FAM107B: variants seen among roughly 807,000 people sequenced by gnomAD.
FAM107B encodes family with sequence similarity 107 member B.
In FAM107B, 21 loss-of-function variants were observed where a neutral mutation model predicts 31.5. That is an observed-to-expected ratio of 0.67 (90% CI 0.47 to 0.96). FAM107B has a LOEUF of 0.96. FAM107B is among the 40% of genes least tolerant of loss of function. The probability of loss-of-function intolerance (pLI) is 0.00; values close to 1 mark genes in which losing one functional copy is unlikely to be tolerated. For synonymous variants in FAM107B, 157 were observed against 141.5 expected (o/e 1.11, Z -0.78); for missense variants, 452 against 377.1 (o/e 1.20, Z -1.64).
In FAM107B at chr10:14,518,943, G is replaced by C. The variant is rs180707428; in HGVS notation, c.*2247C>G. On this transcript the variant is annotated 3_prime_UTR_variant, in exon 5 of 5. Coordinates refer to ENST00000181796, the MANE Select transcript of FAM107B (RefSeq NM_031453.4). The stretch of plus-strand genomic sequence containing the variant: ...GAGTTTGGGCTGCACAGTATTAAGG[G>C]GTGAGAGGAGACCGACAGCCTGTTT... The C allele has an allele frequency of 3.9e-5, 6 of 152,618 alleles. No individual in the cohort carries two copies. Among genetic ancestry groups the C allele is most frequent in the African/African-American group, 9.7e-5 (4 of 41,444 alleles). The allele number at this position is 152,618 out of a possible 1,614,324, so 9.5% of individuals were successfully genotyped here.
intron 2 of FAM107B, among the ~76,000 whole-genome samples, chr10:14,578,605 G>A (rs1030981534): frequency 2.6e-5 from 4 of 152,120 alleles, no homozygotes; most frequent in East Asian, 1.9e-4. Context: ...CTTCATTTGC[G>A]ACATATTTTC....
intron 1 of FAM107B, among the ~76,000 whole-genome samples, chr10:14,727,506 G>A (rs892877562): frequency 2.0e-5 from 3 of 152,208 alleles, no homozygotes; most frequent in African/African-American, 7.2e-5. Flanking sequence ...AAATCCACAG[G>A]CTGGAAGTGA....
chr10:14,629,053 T>C (rs1198857417), intron 2 of FAM107B, among the ~76,000 whole-genome samples: 1 of 150,452 alleles, frequency 6.6e-6, no homozygotes, highest in East Asian at 1.9e-4. Flanking sequence ...AGGAAAGTTG[T>C]GGTATTAAAA....
intron 2 of FAM107B, among the ~76,000 whole-genome samples, chr10:14,613,833 A>G (rs1852785435): frequency 6.6e-6 from 1 of 152,146 alleles, no homozygotes; most frequent in African/African-American, 2.4e-5. Context: ...CTTTTCTTTT[A>G]TTAAAATTCA....
At chr10:14,617,006 AG>A (rs1302246644) in intron 2 of FAM107B, among the ~76,000 whole-genome samples, 1 of 152,072 alleles carries the variant, frequency 6.6e-6, no homozygotes, top group Non-Finnish European at 1.5e-5. Flanking sequence ...GAATAAGAGA[AG>A]GATAAGGAAG....
At chr10:14,543,761 T>C (rs2130991530) in intron 2 of FAM107B, among the ~76,000 whole-genome samples, 1 of 151,800 alleles carries the variant, frequency 6.6e-6, no homozygotes, top group Middle Eastern at 3.4e-3. Context: ...TTATTTAGCT[T>C]CCTTATCTGC....
intron 1 of FAM107B, among the ~76,000 whole-genome samples, chr10:14,716,830 C>G (rs1029495053): frequency 2.0e-5 from 3 of 152,162 alleles, no homozygotes; most frequent in Non-Finnish European, 4.4e-5. Flanking sequence ...TGGCTTATGC[C>G]TGTAATCCCA....
chr10:14,574,662 C>T (rs576597113), intron 2 of FAM107B, among the ~76,000 whole-genome samples: 4 of 152,346 alleles, frequency 2.6e-5, no homozygotes, highest in East Asian at 3.9e-4. Context: ...ATTATTAGTA[C>T]ATTTCAGTCA....
At chr10:14,568,391 G>A (rs61404273) in intron 2 of FAM107B, among the ~76,000 whole-genome samples, 248 of 10,176 alleles carry the variant, frequency 0.024, 2 homozygotes, top group African/African-American at 0.042. Context: ...TGAAGATACT[G>A]GAGGAGAAGG....
intron 2 of FAM107B, among the ~76,000 whole-genome samples, chr10:14,624,828 C>T (rs1216940740): frequency 2.6e-5 from 4 of 152,164 alleles, no homozygotes; most frequent in African/African-American, 7.2e-5. Context: ...GAAGCAGAAG[C>T]ACATACATAA....
intron 1 of FAM107B, 70 bp downstream of exon 1, chr10:14,774,183 A>G: frequency 1.3e-6 from 2 of 1,531,346 alleles, no homozygotes; most frequent in Admixed American, 2.0e-5. Flanking sequence ...TTGCTGAAAC[A>G]TTCGCCACAT....
chr10:14,631,803 A>G (rs1853360539), intron 2 of FAM107B, among the ~76,000 whole-genome samples: 1 of 152,080 alleles, frequency 6.6e-6, no homozygotes, highest in African/African-American at 2.4e-5. Context: ...CTGGCTACCC[A>G]GGTTGTGAGG....
At chr10:14,625,028 C>A (rs931803731) in intron 2 of FAM107B, among the ~76,000 whole-genome samples, 7 of 152,044 alleles carry the variant, frequency 4.6e-5, no homozygotes, top group Non-Finnish European at 8.8e-5. Flanking sequence ...AGTTTGAGAC[C>A]AGCCTGGCCA....
At chr10:14,724,177 T>C in intron 1 of FAM107B, 3 of 441,686 alleles carry the variant, frequency 6.8e-6, no homozygotes, top group Non-Finnish European at 1.2e-5. Flanking sequence ...TGTCTTATAT[T>C]TAGCTCTAAT....
intron 2 of FAM107B, among the ~76,000 whole-genome samples, chr10:14,594,521 A>C (rs1383548431): frequency 6.6e-6 from 1 of 151,926 alleles, no homozygotes; most frequent in Non-Finnish European, 1.5e-5. Flanking sequence ...AAAAAAACAA[A>C]AAAAAACAAA....
chr10:14,565,953 A>G (rs566473605), intron 2 of FAM107B, among the ~76,000 whole-genome samples: 2 of 152,286 alleles, frequency 1.3e-5, no homozygotes, highest in East Asian at 1.9e-4. Flanking sequence ...GCCCTGTGGA[A>G]CTCGCAGCAG....
chr10:14,669,407 G>A (rs151190594), intron 1 of FAM107B, among the ~76,000 whole-genome samples: 29 of 147,460 alleles, frequency 2.0e-4, no homozygotes, highest in African/African-American at 6.4e-4. Flanking sequence ...TGTCCTTTTC[G>A]AAGGAAATCA....
At chr10:14,631,133 C>A (rs939518379) in intron 2 of FAM107B, among the ~76,000 whole-genome samples, 1 of 152,124 alleles carries the variant, frequency 6.6e-6, no homozygotes, top group East Asian at 1.9e-4. Context: ...CACTTTTCTC[C>A]CCGGGACAGT....
At chr10:14,603,793 C>G (rs2131378504) in intron 2 of FAM107B, among the ~76,000 whole-genome samples, 1 of 152,130 alleles carries the variant, frequency 6.6e-6, no homozygotes, top group East Asian at 1.9e-4. Context: ...CCGGCCCCGG[C>G]TTTGTCTGCC....
Sources: allele counts gnomAD v4.1 joint callset (sites outside exome capture counted in the v4.1 genomes callset), GRCh38; gene constraint gnomAD v4.1.1; transcripts MANE v1.5; gene names NCBI Gene and HGNC (gene_info 2026-07-23, HGNC 2026-07-21).